MOCOS: variants seen among roughly 807,000 people sequenced by gnomAD.
The protein encoded by MOCOS is molybdenum cofactor sulfurase, also known as human molybdenum cofactor sulfurase.
A neutral mutation model predicts 83.6 loss-of-function variants in MOCOS; 86 were observed. That is an observed-to-expected ratio of 1.03 (90% CI 0.86 to 1.23). MOCOS has a LOEUF of 1.23. MOCOS is among the 50% of genes most tolerant of loss of function. The pLI, the probability that MOCOS is intolerant of heterozygous loss-of-function variation, is 0.00. For synonymous variants in MOCOS, 445 were observed against 434.7 expected (o/e 1.02, Z -0.29); for missense variants, 1,120 against 1,126.9 (o/e 0.99, Z 0.09).
At chr18:36,244,316 T>C (rs1260784135) in intron 9 of MOCOS, among the ~76,000 whole-genome samples, 1 of 152,154 alleles carries the variant, frequency 6.6e-6, no homozygotes, top group Non-Finnish European at 1.5e-5. Flanking sequence ...TTGTGATTGG[T>C]TGTGTCACTG....
chr18:36,220,342 C>CAA (rs200612707), intron 9 of MOCOS, 125 bp downstream of exon 9: 3,435 of 836,116 alleles, frequency 4.1e-3, no homozygotes, highest in South Asian at 5.2e-3. Context: ...CTCATCTCTA[C>CAA]AAAAAAAAAA....
rs2144151823 is a variant in MOCOS, at chr18:36,260,105, T to C, written c.2339T>C (p.Ile780Thr). 1 of 1,614,196 alleles carries C rather than the reference T, an allele frequency of 6.2e-7. No individual in the cohort carries two copies. The highest frequency in any genetic ancestry group is 8.5e-7 in the Non-Finnish European group (1 of 1,180,032). ...DLSLRFRANI[I>T]INGKRAFEEE... is the part of the protein sequence containing the mutation. ...AGCTTGCGTTTTCGTGCCAATATTA[T>C]TATCAATGGAAAAAGGGCTTTTGAA... Residue 780 changes from isoleucine to threonine, a missense_variant, in exon 13 of 15, where the codon ATT (isoleucine) becomes ACT (threonine). Ile to Thr is a moderately conservative substitution (Grantham distance 89, BLOSUM62 -1). Transcript: ENST00000261326.
chr18:36,260,120 G>A lies in MOCOS; in HGVS notation c.2354G>A (p.Arg785Lys), dbSNP rs753403658. The change falls in exon 13 of 15, where the codon AGG becomes AAG. Residue 785 changes from arginine (R) to lysine (K), a missense_variant. Arg to Lys is a conservative substitution (Grantham distance 26). Transcript: ENST00000261326. ...GCCAATATTATTATCAATGGAAAAA[G>A]GGCTTTTGAAGAAGAGAAATGGGAT... ...FRANIIINGK[R>K]AFEEEKWDEI... 3 of 1,614,114 alleles carry A rather than the reference G, an allele frequency of 1.9e-6. No individual in the cohort carries two copies. Among genetic ancestry groups the A allele is most frequent in the Non-Finnish European group, 2.5e-6 (3 of 1,180,026 alleles).
chr18:36,255,321 C>A (rs2091637695), intron 11 of MOCOS, among the ~76,000 whole-genome samples: 1 of 152,206 alleles, frequency 6.6e-6, no homozygotes, highest in Non-Finnish European at 1.5e-5. Flanking sequence ...GCACTGGACT[C>A]TAAGATTGAA....
intron 5 of MOCOS, 116 bp downstream of exon 5, chr18:36,203,305 A>G (rs1448804816): frequency 1.0e-6 from 1 of 953,122 alleles, no homozygotes; most frequent in East Asian, 2.4e-5. Context: ...CTGGCACTCC[A>G]TGTAGTTAAA....
intron 5 of MOCOS, among the ~76,000 whole-genome samples, chr18:36,204,423 T>A (rs556156378): frequency 6.6e-6 from 1 of 152,350 alleles, no homozygotes; most frequent in East Asian, 1.9e-4. Flanking sequence ...TAAAATGATT[T>A]AAACATTAAT....
chr18:36,188,433 T>G (rs1192582666), intron 1 of MOCOS, among the ~76,000 whole-genome samples: 1 of 152,224 alleles, frequency 6.6e-6, no homozygotes, highest in Non-Finnish European at 1.5e-5. Flanking sequence ...CATCTGGCCT[T>G]GGCCGACCCA....
intron 9 of MOCOS, among the ~76,000 whole-genome samples, chr18:36,229,723 A>G (rs1258276603): frequency 4.0e-5 from 6 of 151,734 alleles, no homozygotes; most frequent in East Asian, 1.9e-4. Flanking sequence ...CTCTGACTGA[A>G]TTATTTCCAG....
intron 4 of MOCOS, among the ~76,000 whole-genome samples, chr18:36,201,786 T>C (rs1210503432): frequency 6.6e-6 from 1 of 151,976 alleles, no homozygotes; most frequent in Non-Finnish European, 1.5e-5. Context: ...GACTTGTCCA[T>C]AGTTGGGGGG....
rs143158108 is a variant in MOCOS at position 36,220,183 on chromosome 18, C to T, written c.1926C>T (p.Asp642=). The T allele has an allele frequency of 8.1e-6, 13 of 1,614,176 alleles. No homozygotes were observed. In the African/African-American group the frequency reaches 1.1e-4, roughly 13 times the overall value. ...PRLCLIQPFI[D]LRQRIMVIKA... ...TCTGCCTGATCCAGCCCTTCATCGA[C>T]TTGCGGCAAAGGATCATGGTCATCA... The change falls in exon 9 of 15, where the codon GAC becomes GAT. Residue 642 remains aspartate (D), a synonymous_variant. Coordinates refer to ENST00000261326, the MANE Select transcript of MOCOS (RefSeq NM_017947.4).
intron 9 of MOCOS, among the ~76,000 whole-genome samples, chr18:36,230,422 G>T (rs2091533609): frequency 6.6e-6 from 1 of 152,092 alleles, no homozygotes; most frequent in Non-Finnish European, 1.5e-5. Flanking sequence ...AACTCTCCTA[G>T]TCTTCACCGA....
chr18:36,251,344 A>G lies in MOCOS; in HGVS notation c.2164+61A>G. On this transcript the variant is annotated intron_variant, in intron 11 of 14. Transcript: ENST00000261326. ...ACCCTGGCTTACCCTTGCACACATC[A>G]AAACAGCCCATGAACTGCACTTACG... 1.9e-6 allele frequency: 3 copies of G among 1,591,454 alleles called. No individual in the cohort carries two copies. In the South Asian group the frequency reaches 3.3e-5, roughly 18 times the overall value.
chr18:36,249,464 C>T (rs2091614378), intron 10 of MOCOS, among the ~76,000 whole-genome samples: 1 of 152,224 alleles, frequency 6.6e-6, no homozygotes, highest in African/African-American at 2.4e-5. Flanking sequence ...CCATGTTGTT[C>T]CCTTCAGAGC....
intron 9 of MOCOS, among the ~76,000 whole-genome samples, chr18:36,228,836 GAAAAAAA>G (rs34976015): frequency 8.6e-6 from 1 of 116,420 alleles, no homozygotes. Context: ...CTTAAAAGTT[GAAAAAAA>G]AAAAAAAAAA....
intron 9 of MOCOS, among the ~76,000 whole-genome samples, chr18:36,240,659 C>A (rs2091578178): frequency 3.3e-5 from 5 of 152,150 alleles, no homozygotes; most frequent in Admixed American, 3.3e-4. Flanking sequence ...GTGGTGGGCT[C>A]CACCCAGTTC....
intron 4 of MOCOS, among the ~76,000 whole-genome samples, chr18:36,201,653 A>G (rs2091415008): frequency 1.1e-5 from 1 of 88,702 alleles, no homozygotes; most frequent in South Asian, 5.5e-4. Context: ...ACAGAGCAAG[A>G]CTCCATCTCC....
At chr18:36,260,815 A>C in intron 13 of MOCOS, among the ~76,000 whole-genome samples, 1 of 150,550 alleles carries the variant, frequency 6.6e-6, no homozygotes, top group Non-Finnish European at 1.5e-5. Context: ...CTCTGAGCTC[A>C]TCACCCCTTC....
At position 36,215,515 on chromosome 18, in the gene MOCOS, G is replaced by C. The variant is rs1054995618; in HGVS notation, c.1336-1G>C. On this transcript the variant is annotated splice_acceptor_variant, in intron 7 of 14. Transcript: ENST00000261326. LOFTEE classifies it high-confidence loss of function. ...GCTGATGCACTTCCCTCTTATCCTA[G>C]GCTGGTCATGTCTGTGGGGACAATA... 1 of 1,613,484 alleles carries C rather than the reference G, an allele frequency of 6.2e-7. No homozygotes were observed. Among genetic ancestry groups the C allele is most frequent in the Middle Eastern group, 1.7e-4 (1 of 6,006 alleles).
rs1246789036 is a variant in MOCOS at position 36,191,032 on chromosome 18, G to GAAAA, written c.142+3353_142+3356dup. 6.3e-5 allele frequency among the ~76,000 whole-genome samples: 8 copies of GAAAA among 126,778 alleles called. 1 individual carries two copies. The East Asian group carries it at 1.5e-3, about 25-fold the overall frequency. The allele number at this position is 126,778 out of a possible 152,430, so 83.2% of individuals were successfully genotyped here. The stretch of plus-strand genomic sequence containing the variant: ...AGACCCTATCTCTCAAAAAAAAAAA[G>GAAAA]AAAAAGAAAAAAAAGTGTGTAGCAC... On this transcript the variant is annotated intron_variant, in intron 1 of 14. Coordinates refer to ENST00000261326, the MANE Select transcript of MOCOS (RefSeq NM_017947.4).
Sources: gnomAD v4.1 joint callset for allele counts (sites outside exome capture counted in the v4.1 genomes callset) on GRCh38, gnomAD v4.1.1 for gene constraint, MANE v1.5 for transcripts, NCBI Gene and HGNC (gene_info 2026-07-23, HGNC 2026-07-21) for gene names.